GPC6: variants seen among roughly 807,000 people sequenced by gnomAD.
GPC6 encodes the protein glypican 6.
A neutral mutation model predicts 55.2 loss-of-function variants in GPC6; 14 were observed. That is an observed-to-expected ratio of 0.25 (90% confidence interval 0.17 to 0.40). GPC6 has a LOEUF of 0.40. GPC6 is among the 10% of genes least tolerant of loss of function. The pLI is 1.00. For missense variants in GPC6, 641 were observed against 708.5 expected (o/e 0.90, Z 1.08); for synonymous variants, 278 against 259.6 (o/e 1.07, Z -0.68).
intron 6 of GPC6, among the ~76,000 whole-genome samples, chr13:94,351,313 C>G (rs1878531921): frequency 6.6e-6 from 1 of 152,064 alleles, no homozygotes; most frequent in South Asian, 2.1e-4. Flanking sequence ...TCTACACTCT[C>G]CTGCCTAATG....
intron 4 of GPC6, among the ~76,000 whole-genome samples, chr13:94,264,864 C>T (rs1020628268): frequency 5.3e-5 from 8 of 152,146 alleles, no homozygotes; most frequent in African/African-American, 1.7e-4. Context: ...AGGTGAAAGG[C>T]CTATCTAACA....
At chr13:93,465,460 A>G (rs2139320446) in intron 1 of GPC6, among the ~76,000 whole-genome samples, 1 of 152,286 alleles carries the variant, frequency 6.6e-6, no homozygotes, top group Middle Eastern at 3.4e-3. Context: ...TTCACCTTGC[A>G]CTTTTATTTT....
At chr13:93,954,475 A>G (rs1879405340) in intron 3 of GPC6, among the ~76,000 whole-genome samples, 1 of 152,080 alleles carries the variant, frequency 6.6e-6, no homozygotes, top group Admixed American at 6.6e-5. Flanking sequence ...CACCACCACA[A>G]CTAGCTATTT....
chr13:93,591,468 GAAA>G (rs60796601), intron 2 of GPC6, among the ~76,000 whole-genome samples: 16 of 124,528 alleles, frequency 1.3e-4, no homozygotes, highest in Non-Finnish European at 1.3e-4. Context: ...CGTCTCAAAG[GAAA>G]AAAAAAAAAA....
In GPC6 at chr13:93,448,484, T is replaced by A. The variant is rs533373074; in HGVS notation, c.161-96779T>A. 4.6e-5 allele frequency among the ~76,000 whole-genome samples: 7 copies of A among 152,326 alleles called. No homozygotes were observed. The South Asian group carries it at 1.4e-3, about 32-fold the overall frequency. On this transcript the variant is annotated intron_variant, in intron 1 of 8. Transcript: ENST00000377047. ...GTGATGTATGACTACGTGTGAATTT[T>A]GAGCTTCTTAGAAAGGCATAGTGTA... is the stretch of plus-strand genomic sequence containing the variant.
intron 4 of GPC6, among the ~76,000 whole-genome samples, chr13:94,279,807 C>A (rs892985741): frequency 2.0e-5 from 3 of 152,090 alleles, no homozygotes; most frequent in African/African-American, 7.2e-5. Flanking sequence ...GTCTGAGAGA[C>A]TATTTGTTAA....
chr13:94,328,178 G>A (rs1258253815), intron 6 of GPC6, among the ~76,000 whole-genome samples: 1 of 152,084 alleles, frequency 6.6e-6, no homozygotes, highest in Non-Finnish European at 1.5e-5. Flanking sequence ...GCCAACCCAG[G>A]GCCACACTAA....
At chr13:93,449,162 C>A (rs1264313832) in intron 1 of GPC6, among the ~76,000 whole-genome samples, 1 of 152,202 alleles carries the variant, frequency 6.6e-6, no homozygotes, top group Admixed American at 6.5e-5. Context: ...GATGCCCATG[C>A]ATGCTGTGAT....
intron 3 of GPC6, among the ~76,000 whole-genome samples, chr13:93,837,264 T>C (rs565945369): frequency 2.0e-5 from 3 of 152,292 alleles, no homozygotes; most frequent in African/African-American, 7.2e-5. Context: ...CAACCACCTG[T>C]CTCTCCACTG....
chr13:94,269,830 C>G (rs886465341), intron 4 of GPC6, among the ~76,000 whole-genome samples: 4 of 152,254 alleles, frequency 2.6e-5, no homozygotes, highest in Non-Finnish European at 2.9e-5. Context: ...GTCATAGATT[C>G]ATATGATTTA....
At chr13:93,544,188 A>G (rs899588532) in intron 1 of GPC6, among the ~76,000 whole-genome samples, 1 of 152,174 alleles carries the variant, frequency 6.6e-6, no homozygotes, top group Non-Finnish European at 1.5e-5. Flanking sequence ...CCTAACGTTA[A>G]TATGTACTTG....
intron 4 of GPC6, among the ~76,000 whole-genome samples, chr13:94,141,215 G>A (rs747349079): frequency 1.3e-5 from 2 of 152,148 alleles, no homozygotes; most frequent in Admixed American, 1.3e-4. Flanking sequence ...GCCCAAAAAG[G>A]TAGGATATCT....
At chr13:93,484,357 A>G (rs866099922) in intron 1 of GPC6, among the ~76,000 whole-genome samples, 2 of 152,188 alleles carry the variant, frequency 1.3e-5, no homozygotes, top group African/African-American at 4.8e-5. Flanking sequence ...GTATGTCAGT[A>G]TACCTTATGC....
chr13:93,828,920 T>C (rs527501637), intron 2 of GPC6, among the ~76,000 whole-genome samples: 2 of 152,290 alleles, frequency 1.3e-5, no homozygotes, highest in South Asian at 4.1e-4. Context: ...AATGCACAAG[T>C]AGCTTCCATG....
intron 1 of GPC6, among the ~76,000 whole-genome samples, chr13:93,318,873 G>A (rs1879333044): frequency 6.6e-6 from 1 of 152,104 alleles, no homozygotes; most frequent in African/African-American, 2.4e-5. Flanking sequence ...TATAAATGTT[G>A]CTATATGTTA....
chr13:93,893,059 ATTT>A (rs1271008047), intron 3 of GPC6, among the ~76,000 whole-genome samples: 3 of 142,048 alleles, frequency 2.1e-5, no homozygotes, highest in Non-Finnish European at 1.5e-5. Flanking sequence ...TAACCATTAA[ATTT>A]TTTTTTTTTT....
chr13:94,194,730 C>T (rs1039128477), intron 4 of GPC6, among the ~76,000 whole-genome samples: 1 of 152,012 alleles, frequency 6.6e-6, no homozygotes, highest in Non-Finnish European at 1.5e-5. Context: ...CAAATATGAC[C>T]TGTTCCCCAA....
At chr13:93,313,623 A>G (rs929542971) in intron 1 of GPC6, among the ~76,000 whole-genome samples, 3 of 152,088 alleles carry the variant, frequency 2.0e-5, no homozygotes, top group Admixed American at 1.3e-4. Context: ...TATACCCTCT[A>G]TACATTTTCC....
chr13:94,316,648 C>G (rs1403241730), intron 6 of GPC6, among the ~76,000 whole-genome samples: 2 of 146,608 alleles, frequency 1.4e-5, no homozygotes, highest in Admixed American at 1.4e-4. Flanking sequence ...ACCCGGGAGG[C>G]AGAGCTTGCA....
Sources: gnomAD v4.1 joint callset for allele counts (sites outside exome capture counted in the v4.1 genomes callset) on GRCh38, gnomAD v4.1.1 for gene constraint, MANE v1.5 for transcripts, NCBI Gene and HGNC (gene_info 2026-07-23, HGNC 2026-07-21) for gene names.